AK5: variants seen among roughly 807,000 people sequenced by gnomAD.
The protein encoded by AK5 is adenylate kinase isoenzyme 5.
A neutral mutation model predicts 69.5 loss-of-function variants in AK5; 27 were observed. The observed-to-expected ratio is 0.39, with a 90% confidence interval of 0.29 to 0.54. AK5 has a LOEUF of 0.54. Ranked by LOEUF, AK5 falls within the 20% of genes least tolerant of loss-of-function variation. The pLI, the probability that AK5 is intolerant of heterozygous loss-of-function variation, is 0.71. For missense variants in AK5, 531 were observed against 700.4 expected (o/e 0.76, Z 2.73); for synonymous variants, 260 against 244.4 (o/e 1.06, Z -0.60).
intron 8 of AK5, among the ~76,000 whole-genome samples, chr1:77,471,241 G>T (rs563922773): frequency 6.6e-6 from 1 of 151,846 alleles, no homozygotes; most frequent in Non-Finnish European, 1.5e-5. Context: ...ACCTGAATTC[G>T]AACTCTATCT....
chr1:77,444,197 A>G (rs1012965826), intron 8 of AK5, among the ~76,000 whole-genome samples: 8 of 125,650 alleles, frequency 6.4e-5, no homozygotes, highest in Middle Eastern at 4.0e-3. Flanking sequence ...GATAAGTGGT[A>G]TATATATATA....
chr1:77,462,859 G>T (rs913535994), intron 8 of AK5, among the ~76,000 whole-genome samples: 1 of 152,170 alleles, frequency 6.6e-6, no homozygotes, highest in Admixed American at 6.5e-5. Context: ...CTTGAACCCT[G>T]CTTTACTGGA....
chr1:77,358,817 G>GAAA (rs5775391), intron 6 of AK5, among the ~76,000 whole-genome samples: 5 of 147,662 alleles, frequency 3.4e-5, no homozygotes, highest in African/African-American at 7.4e-5. Flanking sequence ...CCTATCCCCT[G>GAAA]AAAAAAAAAA....
At chr1:77,417,025 T>C (rs1650474664) in intron 7 of AK5, among the ~76,000 whole-genome samples, 1 of 152,156 alleles carries the variant, frequency 6.6e-6, no homozygotes, top group Admixed American at 6.6e-5. Context: ...TAATGAAACC[T>C]GTAGTACCTA....
intron 8 of AK5, among the ~76,000 whole-genome samples, chr1:77,468,301 A>G (rs1217742377): frequency 6.6e-6 from 1 of 152,258 alleles, no homozygotes; most frequent in African/African-American, 2.4e-5. Flanking sequence ...CTGCTAGCCC[A>G]TATGGTACTT....
intron 10 of AK5, among the ~76,000 whole-genome samples, chr1:77,486,921 G>A (rs545767928): frequency 6.6e-6 from 1 of 152,292 alleles, no homozygotes; most frequent in Non-Finnish European, 1.5e-5. Flanking sequence ...CATTAAAAAG[G>A]TAAGAGGTTG....
intron 6 of AK5, among the ~76,000 whole-genome samples, chr1:77,373,490 G>A (rs531143148): frequency 6.6e-6 from 1 of 152,276 alleles, no homozygotes; most frequent in Non-Finnish European, 1.5e-5. Flanking sequence ...ATTTTGGAAG[G>A]CCGAGGCGGG....
intron 10 of AK5, among the ~76,000 whole-genome samples, chr1:77,487,189 A>G (rs916666090): frequency 6.6e-6 from 1 of 152,226 alleles, no homozygotes; most frequent in Non-Finnish European, 1.5e-5. Context: ...GGTTATCTCA[A>G]TTAATCCTTA....
intron 5 of AK5, among the ~76,000 whole-genome samples, chr1:77,319,128 A>G (rs1345241819): frequency 6.6e-6 from 1 of 152,184 alleles, no homozygotes; most frequent in Non-Finnish European, 1.5e-5. Flanking sequence ...AGACAGATGT[A>G]TGAAGAAAGG....
At chr1:77,526,602 A>G (rs1658306159) in intron 12 of AK5, among the ~76,000 whole-genome samples, 1 of 149,252 alleles carries the variant, frequency 6.7e-6, no homozygotes, top group Non-Finnish European at 1.5e-5. Context: ...CAGCCTCCCA[A>G]GTAGCTGGGA....
At chr1:77,379,586 G>A (rs1040648302) in intron 6 of AK5, among the ~76,000 whole-genome samples, 2 of 152,184 alleles carry the variant, frequency 1.3e-5, no homozygotes, top group African/African-American at 2.4e-5. Flanking sequence ...GAAGGAGCAT[G>A]TTCTGTGTTA....
chr1:77,442,382 C>G (rs1453160459), intron 8 of AK5, among the ~76,000 whole-genome samples: 1 of 152,202 alleles, frequency 6.6e-6, no homozygotes, highest in Non-Finnish European at 1.5e-5. Flanking sequence ...GGACTCCAGG[C>G]AGCTCCTTCA....
chr1:77,426,966 G>C (rs1651251982), intron 8 of AK5, among the ~76,000 whole-genome samples: 1 of 152,060 alleles, frequency 6.6e-6, no homozygotes, highest in African/African-American at 2.4e-5. Flanking sequence ...AAATTTGTGA[G>C]ATGCACCAAA....
At position 77,304,740 on chromosome 1, in the gene AK5, G is replaced by A. The variant is rs1178012270; in HGVS notation, c.699+6793G>A. ...CATTTGCTTTATCCATTCATCTGTG[G>A]ATGAACACTTAGTTTGCTTGCAAAT... On this transcript the variant is annotated intron_variant, in intron 5 of 13. Transcript: ENST00000354567. 2.6e-5 allele frequency among the ~76,000 whole-genome samples: 4 copies of A among 152,192 alleles called. No homozygotes were observed. The East Asian group carries it at 7.7e-4, about 29-fold the overall frequency.
intron 10 of AK5, among the ~76,000 whole-genome samples, chr1:77,516,222 C>T (rs1228084834): frequency 6.6e-6 from 1 of 152,148 alleles, no homozygotes; most frequent in African/African-American, 2.4e-5. Flanking sequence ...CACAGAAAGA[C>T]AAATACTGCA....
chr1:77,469,367 T>C (rs1654327820), intron 8 of AK5, among the ~76,000 whole-genome samples: 1 of 152,230 alleles, frequency 6.6e-6, no homozygotes, highest in South Asian at 2.1e-4. Flanking sequence ...ATAACCTGGG[T>C]GAGCTTCATC....
chr1:77,410,585 G>GTGTTTT (rs57512332), intron 6 of AK5, among the ~76,000 whole-genome samples: 1 of 150,714 alleles, frequency 6.6e-6, no homozygotes, highest in Non-Finnish European at 1.5e-5. Context: ...CAGCCTCTTT[G>GTGTTTT]TGTTTTTGTT....
intron 5 of AK5, among the ~76,000 whole-genome samples, chr1:77,302,494 C>A (rs1021679414): frequency 6.6e-6 from 1 of 152,132 alleles, no homozygotes. Flanking sequence ...TTTGCTTTCT[C>A]ATTTTAATGA....
At chr1:77,392,532 G>A (rs1048838492) in intron 6 of AK5, among the ~76,000 whole-genome samples, 2 of 152,152 alleles carry the variant, frequency 1.3e-5, no homozygotes, top group African/African-American at 4.8e-5. Context: ...TAAAAATTAT[G>A]TATCTGGATT....
Sources: allele counts gnomAD v4.1 joint callset (sites outside exome capture counted in the v4.1 genomes callset), GRCh38; gene constraint gnomAD v4.1.1; transcripts MANE v1.5; gene names NCBI Gene and HGNC (gene_info 2026-07-23, HGNC 2026-07-21).